FAM227B: variants seen among roughly 807,000 people sequenced by gnomAD.
FAM227B encodes protein FAM227B.
In FAM227B, 88 loss-of-function variants were observed where a neutral mutation model predicts 73.8. The ratio of observed to expected loss-of-function variants is 1.19; its 90% confidence interval spans 1.00 to 1.42. FAM227B has a LOEUF of 1.42. Among genes scored for constraint, FAM227B ranks in the 40% most tolerant of loss-of-function variants. The pLI is 0.00. For missense variants in FAM227B, 632 were observed against 590.9 expected (o/e 1.07, Z -0.72); for synonymous variants, 210 against 190.5 (o/e 1.10, Z -0.84).
At chr15:49,489,844 TATATATATATATATTTTATA>T (rs2056837012) in intron 11 of FAM227B, among the ~76,000 whole-genome samples, 2 of 13,254 alleles carry the variant, frequency 1.5e-4, no homozygotes, top group African/African-American at 2.1e-4. Context: ...ATATATTTTA[TATATATATATATATTTTATA>T]TATATATATA....
At chr15:49,599,693 T>C (rs2077075136) in intron 3 of FAM227B, among the ~76,000 whole-genome samples, 1 of 152,188 alleles carries the variant, frequency 6.6e-6, no homozygotes, top group South Asian at 2.1e-4. Flanking sequence ...CTACTGGCTA[T>C]TCAAGAGCAT....
intron 9 of FAM227B, among the ~76,000 whole-genome samples, chr15:49,557,686 A>C (rs576926261): frequency 1.3e-5 from 2 of 152,098 alleles, no homozygotes; most frequent in Non-Finnish European, 2.9e-5. Flanking sequence ...CACGCAGGGA[A>C]AGGTGAGTGA....
At chr15:49,431,648 G>T (rs1266898178) in intron 11 of FAM227B, among the ~76,000 whole-genome samples, 1 of 151,652 alleles carries the variant, frequency 6.6e-6, no homozygotes, top group Non-Finnish European at 1.5e-5. Flanking sequence ...ACTTGATAGA[G>T]TCATTAGCTA....
chr15:49,595,928 A>T (rs1322650818), intron 3 of FAM227B, among the ~76,000 whole-genome samples: 5 of 149,010 alleles, frequency 3.4e-5, no homozygotes, highest in Admixed American at 6.7e-5. Context: ...AGGAAAAATA[A>T]TTTTTTTAAA....
chr15:49,498,095 T>C (rs2057784086), intron 11 of FAM227B, among the ~76,000 whole-genome samples: 5 of 152,254 alleles, frequency 3.3e-5, no homozygotes, highest in Admixed American at 3.3e-4. Flanking sequence ...ATTAAGGCTA[T>C]GGTAACTCTC....
At chr15:49,564,249 A>G (rs2074468789) in intron 9 of FAM227B, among the ~76,000 whole-genome samples, 1 of 152,182 alleles carries the variant, frequency 6.6e-6, no homozygotes, top group Admixed American at 6.5e-5. Flanking sequence ...CAACATCACC[A>G]ATCATTAGAG....
chr15:49,381,937 A>T (rs1452798928), intron 11 of FAM227B, among the ~76,000 whole-genome samples: 1 of 152,142 alleles, frequency 6.6e-6, no homozygotes, highest in African/African-American at 2.4e-5. Flanking sequence ...AATATGTGAA[A>T]TATGTAGGAA....
At position 49,390,607 on chromosome 15, in the gene FAM227B, T is replaced by C. The variant is rs143198810; in HGVS notation, c.1013-19208A>G. On this transcript the variant is annotated intron_variant, in intron 11 of 15. Transcript: ENST00000299338. ...AAGGTTTTTCAACAGAATTTCACAT[T>C]CTAACCTCATTTCAGGCTTTTATCC... Among the ~76,000 whole-genome samples the C allele has an allele frequency of 2.6e-5, 4 of 152,178 alleles. No individual in the cohort carries two copies. In the East Asian group the frequency reaches 5.8e-4, roughly 22 times the overall value.
At chr15:49,485,923 A>G (rs2152032506) in intron 11 of FAM227B, 1 of 152,160 alleles carries the variant, frequency 6.6e-6, no homozygotes, top group Admixed American at 6.6e-5. Flanking sequence ...AGATGGCAAG[A>G]GCACAATGCC....
intron 9 of FAM227B, among the ~76,000 whole-genome samples, chr15:49,559,500 T>A (rs570099920): frequency 1.8e-3 from 277 of 152,126 alleles, no homozygotes; most frequent in Non-Finnish European, 2.4e-3. Context: ...AACTTCTAGG[T>A]CAAACTGCAC....
At chr15:49,608,419 AT>A (rs909356178) in intron 3 of FAM227B, among the ~76,000 whole-genome samples, 1 of 151,872 alleles carries the variant, frequency 6.6e-6, no homozygotes, top group African/African-American at 2.4e-5. Context: ...TTAGAGAGGA[AT>A]TTTTTTTATT....
intron 11 of FAM227B, among the ~76,000 whole-genome samples, chr15:49,469,045 T>C (rs748270322): frequency 1.3e-5 from 2 of 152,214 alleles, no homozygotes; most frequent in Non-Finnish European, 2.9e-5. Context: ...ATATCTTACA[T>C]GATTTTGACT....
chr15:49,404,328 C>T (rs1401231026), intron 11 of FAM227B, among the ~76,000 whole-genome samples: 4 of 152,050 alleles, frequency 2.6e-5, no homozygotes, highest in African/African-American at 9.7e-5. Context: ...AATTTTCTGC[C>T]TCAATGATCT....
intron 11 of FAM227B, among the ~76,000 whole-genome samples, chr15:49,471,489 A>C (rs1192754690): frequency 4.4e-5 from 3 of 68,578 alleles, no homozygotes; most frequent in Admixed American, 2.7e-4. Context: ...TCTCAAAATA[A>C]TAATAATAAT....
intron 11 of FAM227B, among the ~76,000 whole-genome samples, chr15:49,393,909 G>A (rs1487247944): frequency 6.6e-6 from 1 of 152,150 alleles, no homozygotes. Context: ...TAAATAATTG[G>A]TGCCACTATA....
At chr15:49,568,188 T>C in intron 9 of FAM227B, 57 bp downstream of exon 9, 1 of 1,419,936 alleles carries the variant, frequency 7.0e-7, no homozygotes, top group Non-Finnish European at 9.7e-7. Flanking sequence ...AATAACGATT[T>C]TTTCTATTTC....
At chr15:49,554,838 C>A (rs984857591) in intron 9 of FAM227B, among the ~76,000 whole-genome samples, 1 of 152,052 alleles carries the variant, frequency 6.6e-6, no homozygotes, top group African/African-American at 2.4e-5. Context: ...TGTGGGGGGA[C>A]AATCAGTGAG....
intron 11 of FAM227B, among the ~76,000 whole-genome samples, chr15:49,394,567 C>T (rs180980338): frequency 4.7e-4 from 71 of 152,200 alleles, no homozygotes; most frequent in African/African-American, 1.7e-3. Context: ...TGAGACTATT[C>T]GGCATGGTTG....
chr15:49,619,924 T>C (rs1255033012), intron 1 of FAM227B, among the ~76,000 whole-genome samples: 1 of 152,174 alleles, frequency 6.6e-6, no homozygotes, highest in Non-Finnish European at 1.5e-5. Context: ...ATATATACAA[T>C]TAAAAGCTCC....
Sources: allele counts gnomAD v4.1 joint callset (sites outside exome capture counted in the v4.1 genomes callset), GRCh38; gene constraint gnomAD v4.1.1; transcripts MANE v1.5; gene names NCBI Gene and HGNC (gene_info 2026-07-23, HGNC 2026-07-21).